Variants in TMEM117 observed in about 807,000 individuals in gnomAD.
The protein encoded by TMEM117 is transmembrane protein 117.
TMEM117 carries 27 observed loss-of-function variants against 52.4 expected under a neutral mutation model. That is an observed-to-expected ratio of 0.51 (90% CI 0.38 to 0.71). TMEM117 has a LOEUF of 0.71. Ranked by LOEUF, TMEM117 falls within the 30% of genes least tolerant of loss-of-function variation. The pLI, the probability that TMEM117 is intolerant of heterozygous loss-of-function variation, is 0.00. For missense variants in TMEM117, 556 were observed against 630.5 expected, an observed-to-expected ratio of 0.88 and a Z score of 1.26; for synonymous variants, 215 against 206.3, an observed-to-expected ratio of 1.04 and a Z score of -0.36.
chr12:43,979,198 G>A (rs1444378500), intron 3 of TMEM117, among the ~76,000 whole-genome samples: 1 of 151,766 alleles, frequency 6.6e-6, no homozygotes, highest in African/African-American at 2.4e-5. Flanking sequence ...AGGTCTTATT[G>A]ACCAGGAAGT....
intron 2 of TMEM117, among the ~76,000 whole-genome samples, chr12:43,849,332 G>C (rs1208586579): frequency 1.3e-5 from 2 of 152,182 alleles, no homozygotes; most frequent in East Asian, 1.9e-4. Context: ...GGCAAATTTA[G>C]ACCAAAATAT....
intron 2 of TMEM117, among the ~76,000 whole-genome samples, chr12:43,918,813 T>C (rs1195423948): frequency 2.0e-5 from 3 of 152,222 alleles, no homozygotes; most frequent in Non-Finnish European, 4.4e-5. Flanking sequence ...AAATACTTTC[T>C]TCAGTCTCAA....
chr12:43,977,726 C>G (rs1193939099), intron 3 of TMEM117, among the ~76,000 whole-genome samples: 2 of 152,064 alleles, frequency 1.3e-5, no homozygotes, highest in South Asian at 4.2e-4. Flanking sequence ...ATATGGGATG[C>G]CTGTGGAATG....
In TMEM117 at chr12:44,107,639, A is replaced by G. The variant is rs1364404766; in HGVS notation, c.411-35886A>G. 3.3e-5 allele frequency among the ~76,000 whole-genome samples: 5 copies of G among 152,124 alleles called. No individual in the cohort carries two copies. The East Asian group carries it at 9.6e-4, about 29-fold the overall frequency. ...AATTTTTAATTTTTCGACTATTTCTAATGAAGAATATATAAAATATTTCAA... is the reference window on the plus strand; with the variant it reads ...AATTTTTAATTTTTCGACTATTTCTGATGAAGAATATATAAAATATTTCAA... On this transcript the variant is annotated intron_variant, in intron 3 of 7. Coordinates refer to ENST00000266534, the MANE Select transcript of TMEM117 (RefSeq NM_032256.3).
chr12:44,296,393 G>T (rs1401446495), intron 5 of TMEM117, among the ~76,000 whole-genome samples: 2 of 152,104 alleles, frequency 1.3e-5, no homozygotes, highest in Non-Finnish European at 2.9e-5. Context: ...TCTCTCCAGG[G>T]TCACAGACAA....
At chr12:43,887,711 A>G (rs1944022088) in intron 2 of TMEM117, among the ~76,000 whole-genome samples, 1 of 152,208 alleles carries the variant, frequency 6.6e-6, no homozygotes, top group Non-Finnish European at 1.5e-5. Context: ...GACGGCAGAA[A>G]GTTCAGCAGA....
intron 7 of TMEM117, 127 bp from the exon 8 acceptor site, chr12:44,387,899 T>C (rs1952111907): frequency 4.5e-6 from 4 of 892,724 alleles, no homozygotes; most frequent in East Asian, 2.6e-5. Context: ...TCTCAAAATA[T>C]TAATTGTTAA....
chr12:44,152,458 T>C (rs1179640242), intron 4 of TMEM117, among the ~76,000 whole-genome samples: 4 of 109,336 alleles, frequency 3.7e-5, no homozygotes, highest in Non-Finnish European at 6.8e-5. Context: ...ATAAAAATTT[T>C]TATATCTATA....
chr12:43,984,611 T>A (rs556963752), intron 3 of TMEM117, among the ~76,000 whole-genome samples: 4 of 152,186 alleles, frequency 2.6e-5, no homozygotes, highest in Non-Finnish European at 5.9e-5. Context: ...GTGGAATAAA[T>A]TAGAACATCA....
chr12:44,078,976 T>A (rs1947432188), intron 3 of TMEM117, among the ~76,000 whole-genome samples: 1 of 151,710 alleles, frequency 6.6e-6, no homozygotes. Flanking sequence ...GGTTTTCTGT[T>A]CTTGTGTTAG....
intron 3 of TMEM117, among the ~76,000 whole-genome samples, chr12:44,054,257 T>C (rs1490306326): frequency 6.6e-6 from 1 of 152,302 alleles, no homozygotes; most frequent in East Asian, 1.9e-4. Context: ...TTATCGAGGA[T>C]TGGAAAGGAA....
chr12:44,215,743 A>G (rs1475465315), intron 5 of TMEM117, among the ~76,000 whole-genome samples: 1 of 151,242 alleles, frequency 6.6e-6, no homozygotes, highest in East Asian at 1.9e-4. Context: ...AAAAAAAAAG[A>G]CAAAATAGAC....
intron 2 of TMEM117, among the ~76,000 whole-genome samples, chr12:43,879,718 A>G (rs991128668): frequency 4.6e-5 from 7 of 152,338 alleles, no homozygotes; most frequent in Non-Finnish European, 7.3e-5. Flanking sequence ...TTGAAACACT[A>G]ATTTATTCAA....
In TMEM117 at chr12:44,050,000, T is replaced by C. The variant is rs568124467; in HGVS notation, c.411-93525T>C. ...AGTTAGTGTTTGATTCTGATTAGCC[T>C]GGGGGATCAAGGGACAGATAAGGCA... On this transcript the variant is annotated intron_variant, in intron 3 of 7. Transcript: ENST00000266534. Among the ~76,000 whole-genome samples, 355 of 152,284 alleles carry C rather than the reference T, an allele frequency of 2.3e-3. 3 individuals carry two copies. Among genetic ancestry groups the C allele is most frequent in the African/African-American group, 8.1e-3 (337 of 41,554 alleles).
intron 2 of TMEM117, among the ~76,000 whole-genome samples, chr12:43,888,282 A>C (rs879847267): frequency 6.6e-6 from 1 of 152,228 alleles, no homozygotes; most frequent in Admixed American, 6.5e-5. Flanking sequence ...GGCTCAGTAA[A>C]GACTAATTTA....
At chr12:44,142,976 A>G (rs1477579316) in intron 3 of TMEM117, among the ~76,000 whole-genome samples, 1 of 152,226 alleles carries the variant, frequency 6.6e-6, no homozygotes, top group African/African-American at 2.4e-5. Context: ...ATATTTCAGT[A>G]ATAATTTAAA....
chr12:44,010,556 G>A (rs1382139200), intron 3 of TMEM117, among the ~76,000 whole-genome samples: 1 of 152,080 alleles, frequency 6.6e-6, no homozygotes, highest in Non-Finnish European at 1.5e-5. Context: ...TATTGCGCTT[G>A]TTCTTTGCTT....
rs1325199655 is a variant in TMEM117, at chr12:43,945,675, A to T, written c.410+1333A>T. ...TGTAAGGAGATTGGCTTAGTATTAA[A>T]ATTAGATTTGTGACAATAATAAACC... On this transcript the variant is annotated intron_variant, in intron 3 of 7. Coordinates refer to ENST00000266534, the MANE Select transcript of TMEM117 (RefSeq NM_032256.3). 2.2e-4 allele frequency among the ~76,000 whole-genome samples: 33 copies of T among 152,202 alleles called. 1 individual carries two copies. The highest frequency in any genetic ancestry group is 2.1e-3 in the Admixed American group (32 of 15,280).
At chr12:44,081,936 G>A (rs1947487904) in intron 3 of TMEM117, among the ~76,000 whole-genome samples, 1 of 151,398 alleles carries the variant, frequency 6.6e-6, no homozygotes, top group South Asian at 2.1e-4. Flanking sequence ...AATCTTAATG[G>A]GATAAACTTT....
Sources: gnomAD v4.1 joint callset for allele counts (sites outside exome capture counted in the v4.1 genomes callset) on GRCh38, gnomAD v4.1.1 for gene constraint, MANE v1.5 for transcripts, NCBI Gene and HGNC (gene_info 2026-07-23, HGNC 2026-07-21) for gene names.